Variants in ADAMTS20 observed in about 807,000 individuals in gnomAD.
ADAMTS20 encodes the protein A disintegrin and metalloproteinase with thrombospondin motifs 20.
A neutral mutation model predicts 260.1 loss-of-function variants in ADAMTS20; 225 were observed. The observed-to-expected ratio is 0.87, with a 90% CI of 0.78 to 0.97. The LOEUF (loss-of-function observed/expected upper bound fraction) is 0.97. Among genes scored for constraint, ADAMTS20 ranks in the 50% least tolerant of loss-of-function variants. ADAMTS20 has a pLI of 0.00. For missense variants in ADAMTS20, 2,400 were observed against 2,337.7 expected, an observed-to-expected ratio of 1.03 and a Z score of -0.55; for synonymous variants, 802 against 769.5, an observed-to-expected ratio of 1.04 and a Z score of -0.70.
At chr12:43,411,101 G>T (rs886562284) in intron 28 of ADAMTS20, among the ~76,000 whole-genome samples, 19 of 152,240 alleles carry the variant, frequency 1.2e-4, no homozygotes, top group African/African-American at 4.1e-4. Flanking sequence ...CAGTATTTAT[G>T]AACTAATGAA....
intron 3 of ADAMTS20, among the ~76,000 whole-genome samples, chr12:43,516,914 TC>T (rs1362194224): frequency 6.6e-6 from 1 of 152,028 alleles, no homozygotes; most frequent in Non-Finnish European, 1.5e-5. Context: ...TGAGAATCAA[TC>T]ACATTCATCA....
intron 31 of ADAMTS20, among the ~76,000 whole-genome samples, chr12:43,380,709 G>T (rs1353566982): frequency 6.6e-6 from 1 of 152,110 alleles, no homozygotes; most frequent in Non-Finnish European, 1.5e-5. Context: ...TGCAAGATTT[G>T]CACACTATAA....
chr12:43,442,451 T>C (rs555179705), intron 16 of ADAMTS20, among the ~76,000 whole-genome samples: 56 of 151,834 alleles, frequency 3.7e-4, no homozygotes, highest in Admixed American at 1.3e-3. Context: ...AGACACGGGG[T>C]TTTGCCATGT....
At chr12:43,484,965 G>A (rs1418260268) in intron 7 of ADAMTS20, among the ~76,000 whole-genome samples, 1 of 151,758 alleles carries the variant, frequency 6.6e-6, no homozygotes, top group Non-Finnish European at 1.5e-5. Flanking sequence ...TACTGAATTC[G>A]ATCAGACATT....
intron 28 of ADAMTS20, among the ~76,000 whole-genome samples, chr12:43,408,329 T>C (rs966529061): frequency 3.3e-5 from 5 of 152,166 alleles, no homozygotes; most frequent in African/African-American, 7.2e-5. Flanking sequence ...CATAAAAAGC[T>C]AAAGAGATTA....
At chr12:43,398,002 G>A (rs1440963645) in intron 29 of ADAMTS20, among the ~76,000 whole-genome samples, 2 of 152,072 alleles carry the variant, frequency 1.3e-5, no homozygotes, top group Admixed American at 1.3e-4. Flanking sequence ...TTGACCCCAG[G>A]GGAAACTCCA....
chr12:43,543,128 C>G (rs1020875658), intron 2 of ADAMTS20, among the ~76,000 whole-genome samples: 12 of 152,044 alleles, frequency 7.9e-5, no homozygotes, highest in Middle Eastern at 3.4e-3. Context: ...AGGGGAACAC[C>G]ATCTCTACTG....
At chr12:43,484,683 A>G (rs1942495374) in intron 7 of ADAMTS20, among the ~76,000 whole-genome samples, 3 of 152,170 alleles carry the variant, frequency 2.0e-5, no homozygotes, top group Admixed American at 1.3e-4. Context: ...TCCAAGAAAT[A>G]TGAGATTATG....
At chr12:43,352,891 A>T (rs1466243037), downstream of ADAMTS20, among the ~76,000 whole-genome samples, 1 of 152,214 alleles carries the variant, frequency 6.6e-6, no homozygotes, top group African/African-American at 2.4e-5. Context: ...GGCACATAAT[A>T]CAAAATATTT....
chr12:43,428,364 A>G lies in ADAMTS20; in HGVS notation c.3822T>C (p.Pro1274=). ...PPAHSHFPSS[P]VQPSYYLSTN... is the part of the protein sequence containing the mutation. The stretch of plus-strand genomic sequence containing the variant: ...TGCTTAGATAATAGCTTGGCTGCAC[A>G]GGGGAACTAGGAAAGTGGCTGTGTG... Residue 1274 remains proline (P), a synonymous_variant, in exon 26 of 39, where the codon CCT becomes CCC. Coordinates refer to ENST00000389420, the MANE Select transcript of ADAMTS20 (RefSeq NM_025003.5). The G allele has an allele frequency of 6.2e-7, 1 of 1,613,922 alleles. No homozygotes were observed. Among genetic ancestry groups the G allele is most frequent in the South Asian group, 1.1e-5 (1 of 91,074 alleles).
intron 7 of ADAMTS20, among the ~76,000 whole-genome samples, chr12:43,479,376 A>G (rs1187520406): frequency 6.6e-6 from 1 of 152,198 alleles, no homozygotes; most frequent in Non-Finnish European, 1.5e-5. Context: ...TACAGAACTC[A>G]AAGAATATAC....
At chr12:43,543,986 C>A (rs1013224992) in intron 2 of ADAMTS20, among the ~76,000 whole-genome samples, 1 of 151,810 alleles carries the variant, frequency 6.6e-6, no homozygotes, top group African/African-American at 2.4e-5. Flanking sequence ...ATAACTGTAC[C>A]ACCAAAACCT....
rs866335821 is a variant in ADAMTS20, at chr12:43,511,755, C to T, written c.614-9350G>A. Among the ~76,000 whole-genome samples, 181 of 152,208 alleles carry T rather than the reference C, an allele frequency of 1.2e-3. 1 individual carries two copies. Among genetic ancestry groups the T allele is most frequent in the African/African-American group, 4.2e-3 (175 of 41,546 alleles). On this transcript the variant is annotated intron_variant, in intron 3 of 38. Transcript: ENST00000389420. The stretch of plus-strand genomic sequence containing the variant: ...TACACAGGCTAGAATTGATATAATG[C>T]TCTATATTTGACCAGATAAGGAAAC...
At position 43,439,980 on chromosome 12, in the gene ADAMTS20, T is replaced by C; in HGVS notation, c.2380A>G (p.Thr794Ala). 1 of 1,594,834 alleles carries C rather than the reference T, an allele frequency of 6.3e-7. No homozygotes were observed. Among genetic ancestry groups the C allele is most frequent in the Non-Finnish European group, 8.6e-7 (1 of 1,168,874 alleles). The change falls in exon 17 of 39, where the codon ACT becomes GCT. Residue 794 changes from threonine (T) to alanine (A), a missense_variant. Transcript: ENST00000389420. ...KKEINVQGTR[T>A]VIEYSGSNNA... ...TTTGATCCACTGTATTCAATAACAG[T>C]TCTTGTTCCTTGCACATTGATTTCT...
rs895981743 is a variant in ADAMTS20 at position 43,547,033 on chromosome 12, A to G, written c.453+3876T>C. ...TACTAGTTATGGTTCAGAGAAAAAC[A>G]TAAATACCAAAACTTCTAAAAGTGG... is the stretch of plus-strand genomic sequence containing the variant. On this transcript the variant is annotated intron_variant, in intron 2 of 38. Coordinates refer to ENST00000389420, the MANE Select transcript of ADAMTS20 (RefSeq NM_025003.5). 3.7e-4 allele frequency among the ~76,000 whole-genome samples: 56 copies of G among 152,304 alleles called. 1 individual carries two copies. Among genetic ancestry groups the G allele is most frequent in the African/African-American group, 1.3e-3 (53 of 41,578 alleles).
chr12:43,382,590 T>G (rs138800521), intron 31 of ADAMTS20, among the ~76,000 whole-genome samples: 96 of 152,230 alleles, frequency 6.3e-4, no homozygotes, highest in African/African-American at 2.3e-3. Flanking sequence ...GTGATTATAC[T>G]AAAATTCGCT....
chr12:43,513,434 G>C (rs1260506889), intron 3 of ADAMTS20, among the ~76,000 whole-genome samples: 1 of 152,042 alleles, frequency 6.6e-6, no homozygotes, highest in Non-Finnish European at 1.5e-5. Context: ...TTTTTTAATG[G>C]AAAGGAACAT....
At chr12:43,444,364 T>C (rs1020401352) in intron 15 of ADAMTS20, among the ~76,000 whole-genome samples, 1 of 152,054 alleles carries the variant, frequency 6.6e-6, no homozygotes, top group African/African-American at 2.4e-5. Context: ...AATTTCATTA[T>C]TGAAAAATCA....
intron 11 of ADAMTS20, among the ~76,000 whole-genome samples, chr12:43,460,984 A>ATTTT (rs1298508563): frequency 1.4e-3 from 54 of 39,650 alleles, no homozygotes; most frequent in South Asian, 8.4e-3. Flanking sequence ...ATATATATAT[A>ATTTT]TATATTTTTT....
Sources: allele counts gnomAD v4.1 joint callset (sites outside exome capture counted in the v4.1 genomes callset), GRCh38; gene constraint gnomAD v4.1.1; transcripts MANE v1.5; gene names NCBI Gene and HGNC (gene_info 2026-07-23, HGNC 2026-07-21).